The following WDR41 variants were observed in gnomAD, a reference collection of about 807,000 sequenced individuals.
WDR41 encodes the protein WD repeat domain 41.
A neutral mutation model predicts 69.3 loss-of-function variants in WDR41; 63 were observed. The ratio of observed to expected loss-of-function variants is 0.91; its 90% CI spans 0.74 to 1.12. The LOEUF is 1.12. Ranked by LOEUF, WDR41 falls within the 50% of genes most tolerant of loss-of-function variation. WDR41 has a pLI of 0.00. For synonymous variants in WDR41, 185 were observed against 192.1 expected, an observed-to-expected ratio of 0.96 and a Z score of 0.31; for missense variants, 543 against 534.5, an observed-to-expected ratio of 1.02 and a Z score of -0.16.
intron 1 of WDR41, among the ~76,000 whole-genome samples, chr5:77,614,446 C>T (rs1389504665): frequency 1.3e-5 from 2 of 150,796 alleles, no homozygotes; most frequent in Admixed American, 6.6e-5. Flanking sequence ...CACATATACA[C>T]CATGGAGTAC....
At position 77,535,141 on chromosome 5, in the gene WDR41, C is replaced by T. The variant is rs192890300; in HGVS notation, c.43-45569G>A. On this transcript the variant is annotated intron_variant, in intron 1 of 5. Transcript: ENST00000509971. ...GTCATTTCTATCTTGCTGAGTTCCT[C>T]TTACAGTCTCAGCTGGACCCAGCAT... 2.3e-4 allele frequency among the ~76,000 whole-genome samples: 35 copies of T among 152,208 alleles called. 1 individual carries two copies. The highest frequency in any genetic ancestry group is 2.0e-3 in the Admixed American group (30 of 15,276).
intron 1 of WDR41, among the ~76,000 whole-genome samples, chr5:77,585,978 T>C (rs1744031160): frequency 6.6e-6 from 1 of 152,122 alleles, no homozygotes; most frequent in South Asian, 2.1e-4. Context: ...AAAAAATACA[T>C]ATAGTTTACT....
chr5:77,513,643 A>C (rs1802242937), intron 1 of WDR41, among the ~76,000 whole-genome samples: 1 of 152,212 alleles, frequency 6.6e-6, no homozygotes, highest in African/African-American at 2.4e-5. Flanking sequence ...CAGCCCTTTA[A>C]AAGGGCTAGT....
At chr5:77,506,446 A>C (rs562231573) in intron 1 of WDR41, among the ~76,000 whole-genome samples, 1 of 152,350 alleles carries the variant, frequency 6.6e-6, no homozygotes, top group East Asian at 1.9e-4. Context: ...GTGGGAGTGT[A>C]AATTAGTTCA....
At chr5:77,459,159 A>G (rs778632970) in intron 4 of WDR41, 35 bp from the exon 5 acceptor site, 2 of 1,454,168 alleles carry the variant, frequency 1.4e-6, no homozygotes, top group African/African-American at 1.4e-5. Context: ...TCTAAACAGA[A>G]TTTTAAAATC....
intron 1 of WDR41, among the ~76,000 whole-genome samples, chr5:77,551,023 G>A (rs545689293): frequency 1.3e-5 from 2 of 152,066 alleles, no homozygotes; most frequent in Admixed American, 1.3e-4. Context: ...ACATAAAAAC[G>A]GGAACAATAG....
intron 1 of WDR41, among the ~76,000 whole-genome samples, chr5:77,507,088 G>C (rs1292574918): frequency 1.3e-5 from 2 of 152,120 alleles, no homozygotes; most frequent in Non-Finnish European, 2.9e-5. Context: ...GTAAATTCTT[G>C]CATTTTAAGA....
chr5:77,448,931 G>T (rs535768711), intron 8 of WDR41, among the ~76,000 whole-genome samples: 2 of 152,030 alleles, frequency 1.3e-5, no homozygotes, highest in African/African-American at 4.8e-5. Context: ...GCCTCAGGGA[G>T]ATATGTTGCT....
At position 77,504,794 on chromosome 5, in the gene WDR41, T is replaced by A. The variant is rs1053459425; in HGVS notation, c.43-15222A>T. Among the ~76,000 whole-genome samples the A allele has an allele frequency of 3.3e-5, 5 of 152,172 alleles. No individual in the cohort carries two copies. In the South Asian group the frequency reaches 8.3e-4, roughly 25 times the overall value. On this transcript the variant is annotated intron_variant, in intron 1 of 5. Coordinates refer to the WDR41 transcript ENST00000509971. ...AAAACCACATGATTATCTCAATAGA[T>A]GCAGTAAAGGCCTTCGACAAAATTC...
At chr5:77,608,730 A>G (rs1284073810) in intron 1 of WDR41, among the ~76,000 whole-genome samples, 1 of 152,238 alleles carries the variant, frequency 6.6e-6, no homozygotes, top group Non-Finnish European at 1.5e-5. Context: ...TGAGTGACGC[A>G]GAAGATGGGT....
chr5:77,570,469 G>C (rs1181020152), intron 1 of WDR41, among the ~76,000 whole-genome samples: 1 of 148,760 alleles, frequency 6.7e-6, no homozygotes, highest in Non-Finnish European at 1.5e-5. Context: ...CAGAAGGGAA[G>C]TGGAGAAGAT....
chr5:77,596,547 G>A (rs1744231520), intron 1 of WDR41, among the ~76,000 whole-genome samples: 1 of 151,412 alleles, frequency 6.6e-6, no homozygotes, highest in South Asian at 2.1e-4. Flanking sequence ...TTTCTAAATT[G>A]AAATGGAGTC....
chr5:77,574,063 A>T (rs3846675), intron 1 of WDR41, among the ~76,000 whole-genome samples: 69,522 of 151,900 alleles, frequency 0.46, 17,079 homozygotes, highest in African/African-American at 0.62. Context: ...TTTGGGAGGC[A>T]GAGGCAGGCG....
chr5:77,473,033 A>G (rs1800704132), intron 2 of WDR41, among the ~76,000 whole-genome samples: 1 of 152,208 alleles, frequency 6.6e-6, no homozygotes. Context: ...CTACAAGGCT[A>G]CAGTAACCAA....
chr5:77,453,744 A>G, intron 6 of WDR41, 73 bp downstream of exon 6: 1 of 1,242,660 alleles, frequency 8.0e-7, no homozygotes, highest in Non-Finnish European at 1.2e-6. Context: ...CTACTTATGG[A>G]AAGTCTCTCT....
intron 1 of WDR41, among the ~76,000 whole-genome samples, chr5:77,607,380 T>C (rs879499400): frequency 6.6e-6 from 1 of 152,236 alleles, no homozygotes; most frequent in Non-Finnish European, 1.5e-5. Flanking sequence ...TATTTCCATA[T>C]TTTAAGCCTG....
At chr5:77,493,275 T>C (rs1801882642), upstream of WDR41, among the ~76,000 whole-genome samples, 1 of 152,194 alleles carries the variant, frequency 6.6e-6, no homozygotes, top group African/African-American at 2.4e-5. Flanking sequence ...AATATATATA[T>C]TTGCATATGT....
intron 1 of WDR41, among the ~76,000 whole-genome samples, chr5:77,532,201 T>A (rs956766305): frequency 6.6e-6 from 1 of 152,144 alleles, no homozygotes; most frequent in Admixed American, 6.6e-5. Flanking sequence ...AATGATAGAA[T>A]TCAGGTAGTG....
At chr5:77,614,512 T>A (rs1744634835) in intron 1 of WDR41, among the ~76,000 whole-genome samples, 1 of 151,030 alleles carries the variant, frequency 6.6e-6, no homozygotes, top group African/African-American at 2.4e-5. Context: ...TGGATGAAAT[T>A]GGAAATCATC....
Sources: allele counts gnomAD v4.1 joint callset (sites outside exome capture counted in the v4.1 genomes callset), GRCh38; gene constraint gnomAD v4.1.1; transcripts MANE v1.5; gene names NCBI Gene and HGNC (gene_info 2026-07-23, HGNC 2026-07-21).